SPOPL: variants seen among roughly 807,000 people sequenced by gnomAD.
SPOPL encodes speckle type BTB/POZ protein like.
SPOPL carries 23 observed loss-of-function variants against 53.8 expected under a neutral mutation model. The ratio of observed to expected loss-of-function variants is 0.43; its 90% CI spans 0.31 to 0.61. SPOPL has a LOEUF of 0.61. SPOPL is among the 20% of genes least tolerant of loss of function. The probability of loss-of-function intolerance (pLI) is 0.12; values close to 1 mark genes in which losing one functional copy is unlikely to be tolerated. For synonymous variants in SPOPL, 164 were observed against 149.7 expected (o/e 1.10, Z -0.70); for missense variants, 442 against 466.9 (o/e 0.95, Z 0.49).
intron 1 of SPOPL, among the ~76,000 whole-genome samples, chr2:138,511,481 C>G (rs2104856192): frequency 6.6e-6 from 1 of 152,262 alleles, no homozygotes; most frequent in Non-Finnish European, 1.5e-5. Context: ...GCACTTGTGT[C>G]AGACAGACAC....
intron 7 of SPOPL, among the ~76,000 whole-genome samples, 174 bp downstream of exon 7, chr2:138,559,511 G>A (rs945083761): frequency 6.6e-6 from 1 of 152,146 alleles, no homozygotes; most frequent in Non-Finnish European, 1.5e-5. Context: ...AGCTCAGTGT[G>A]GATGTGCAGT....
intron 1 of SPOPL, among the ~76,000 whole-genome samples, chr2:138,527,467 T>C (rs1684700148): frequency 6.6e-6 from 1 of 152,226 alleles, no homozygotes; most frequent in East Asian, 1.9e-4. Context: ...AATGCATCAG[T>C]TATGACTATA....
chr2:138,512,140 C>T (rs1684337064), intron 1 of SPOPL, among the ~76,000 whole-genome samples: 1 of 152,100 alleles, frequency 6.6e-6, no homozygotes, highest in Non-Finnish European at 1.5e-5. Context: ...TCAAATGGTT[C>T]ATTGATATTT....
Position 138,569,015 on chromosome 2 carries a change from C to T in SPOPL, c.1114C>T (p.Arg372Ter), listed in dbSNP as rs766692815. ...CCCTCATTTAGTAGCAGAAGCCTTT[C>T]GAGCACTAGCATCTGCACAGTGTCC... The part of the protein sequence containing the change: ...SHPHLVAEAF[R>*]ALASAQCPQF... The change falls in exon 11 of 11, where the codon CGA becomes TGA. Residue 372 changes from arginine (R) to a stop codon, truncating the protein, a stop_gained. Transcript: ENST00000280098. LOFTEE classifies it high-confidence loss of function. The T allele has an allele frequency of 3.1e-6, 5 of 1,614,026 alleles. No individual in the cohort carries two copies. Among genetic ancestry groups the T allele is most frequent in the South Asian group, 1.1e-5 (1 of 91,080 alleles).
At chr2:138,547,674 A>G (rs1234915342) in intron 1 of SPOPL, among the ~76,000 whole-genome samples, 1 of 152,158 alleles carries the variant, frequency 6.6e-6, no homozygotes, top group Non-Finnish European at 1.5e-5. Flanking sequence ...TTTATGAAAT[A>G]TGAATAAATA....
chr2:138,540,255 G>T (rs1205712837), intron 1 of SPOPL, among the ~76,000 whole-genome samples: 7 of 152,006 alleles, frequency 4.6e-5, no homozygotes, highest in Non-Finnish European at 7.4e-5. Flanking sequence ...ATATGAACTT[G>T]AAAGTAGTTT....
Position 138,568,993 on chromosome 2 carries a change from T to A in SPOPL, c.1092T>A (p.Pro364=). 6.2e-7 allele frequency: 1 copy of A among 1,614,098 alleles called. No homozygotes were observed. ...SGWKSMIQSH[P]HLVAEAFRAL... ...GGAAGTCCATGATTCAGTCTCACCC[T>A]CATTTAGTAGCAGAAGCCTTTCGAG... is the stretch of plus-strand genomic sequence containing the variant. The change falls in exon 11 of 11, where the codon CCT becomes CCA. Residue 364 remains proline (P), a synonymous_variant. Transcript: ENST00000280098.
chr2:138,568,792 A>C, intron 10 of SPOPL, 144 bp from the exon 11 acceptor site: 1 of 861,906 alleles, frequency 1.2e-6, no homozygotes, highest in Non-Finnish European at 1.8e-6. Context: ...TAAAGATGGT[A>C]TTTTAATAAA....
At position 138,545,073 on chromosome 2, in the gene SPOPL, GCTTTTGATAAATGCCA is replaced by G. The variant is rs1205502201; in HGVS notation, c.-60-5083_-60-5068del. Among the ~76,000 whole-genome samples the G allele has an allele frequency of 4.0e-4, 61 of 152,222 alleles. 1 individual carries two copies. Among genetic ancestry groups the G allele is most frequent in the African/African-American group, 1.4e-3 (59 of 41,536 alleles). On this transcript the variant is annotated intron_variant, in intron 1 of 10. Transcript: ENST00000280098. ...ATAACTAATACATTTGCCTCTTAAT[GCTTTTGATAAATGCCA>G]TATCCCAGAATGCTGTCCCCTACCT...
chr2:138,509,585 A>AT (rs995856371), intron 1 of SPOPL, among the ~76,000 whole-genome samples: 4 of 150,140 alleles, frequency 2.7e-5, no homozygotes, highest in Admixed American at 1.4e-4. Context: ...CAGTTAGGTG[A>AT]TTTTTTAAAA....
chr2:138,564,921 G>A lies in SPOPL; in HGVS notation c.981-19G>A. 17 of 1,613,950 alleles carry A rather than the reference G, an allele frequency of 1.1e-5. No individual in the cohort carries two copies. The highest frequency in any genetic ancestry group is 1.4e-5 in the Non-Finnish European group (17 of 1,179,906). On this transcript the variant is annotated intron_variant, in intron 9 of 10. Transcript: ENST00000280098. ...TTTCTCTGGACTTTTTTTTAAGTAT[G>A]TTTAAATCTTCAATGCAGGTGCAGT...
At chr2:138,535,791 A>G (rs965440706) in intron 1 of SPOPL, among the ~76,000 whole-genome samples, 1 of 151,928 alleles carries the variant, frequency 6.6e-6, no homozygotes, top group African/African-American at 2.4e-5. Flanking sequence ...GCTTAAAATA[A>G]TGTCCTACAG....
rs1685732340 is a variant in SPOPL, at chr2:138,569,394, T to C, written c.*314T>C. 1 of 218,866 alleles carries C rather than the reference T, an allele frequency of 4.6e-6. No homozygotes were observed. The highest frequency in any genetic ancestry group is 9.0e-6 in the Non-Finnish European group (1 of 111,632). 13.6% of individuals were successfully genotyped at this position (218,866 alleles called of 1,614,324 possible). A position where few individuals can be genotyped will look rare whatever the true frequency, so the allele number is the denominator to read the frequency against. On this transcript the variant is annotated 3_prime_UTR_variant, in exon 11 of 11. Transcript: ENST00000280098. Reference sequence around the variant, plus strand: ...ATGCAGGATTGCACTAGCTCCATAATGCAGTAATATTGATAACTGAAGATA... The same window carrying C: ...ATGCAGGATTGCACTAGCTCCATAACGCAGTAATATTGATAACTGAAGATA...
chr2:138,548,036 C>T (rs1685235516), intron 1 of SPOPL, among the ~76,000 whole-genome samples: 1 of 151,994 alleles, frequency 6.6e-6, no homozygotes. Flanking sequence ...GATGTATTTA[C>T]AGGATGAATC....
intron 10 of SPOPL, among the ~76,000 whole-genome samples, chr2:138,568,099 A>T (rs1049118110): frequency 6.6e-6 from 1 of 152,166 alleles, no homozygotes; most frequent in Non-Finnish European, 1.5e-5. Flanking sequence ...TCATATAGTC[A>T]TATTTGTGTT....
intron 1 of SPOPL, among the ~76,000 whole-genome samples, chr2:138,513,115 G>A (rs1684362177): frequency 6.6e-6 from 1 of 152,204 alleles, no homozygotes; most frequent in African/African-American, 2.4e-5. Flanking sequence ...TTTCAATTTA[G>A]TGTTTTCTCT....
In SPOPL at chr2:138,536,159, T is replaced by C. The variant is rs559472205; in HGVS notation, c.-60-13998T>C. Reference sequence around the variant, plus strand: ...TAATCACAGTTTCTGTTATCTGTTTTTTTCCCCAGCATATGGGTCATACTT... The same window carrying C: ...TAATCACAGTTTCTGTTATCTGTTTCTTTCCCCAGCATATGGGTCATACTT... On this transcript the variant is annotated intron_variant, in intron 1 of 10. Transcript: ENST00000280098. Among the ~76,000 whole-genome samples, 3 of 152,336 alleles carry C rather than the reference T, an allele frequency of 2.0e-5. No individual in the cohort carries two copies. In the South Asian group the frequency reaches 6.2e-4, roughly 32 times the overall value.
chr2:138,511,395 A>G (rs1255301281), intron 1 of SPOPL, among the ~76,000 whole-genome samples: 2 of 152,222 alleles, frequency 1.3e-5, no homozygotes, highest in African/African-American at 4.8e-5. Context: ...ACAGCTTTCT[A>G]CAGTGTAAAG....
intron 1 of SPOPL, among the ~76,000 whole-genome samples, chr2:138,525,257 CAT>C (rs1311217974): frequency 2.6e-5 from 4 of 152,156 alleles, no homozygotes; most frequent in African/African-American, 9.7e-5. Flanking sequence ...CATCAGATCT[CAT>C]GAGACTCATT....
Sources: gnomAD v4.1 joint callset for allele counts (sites outside exome capture counted in the v4.1 genomes callset) on GRCh38, gnomAD v4.1.1 for gene constraint, MANE v1.5 for transcripts, NCBI Gene and HGNC (gene_info 2026-07-23, HGNC 2026-07-21) for gene names.